OR2L3: variants seen among roughly 807,000 people sequenced by gnomAD.
The protein encoded by OR2L3 is olfactory receptor family 2 subfamily L member 3.
For missense variants in OR2L3, 369 were observed against 376.6 expected (o/e 0.98, Z 0.17); for synonymous variants, 131 against 139.1 (o/e 0.94, Z 0.41).
rs566921140 is a variant in OR2L3, at chr1:248,048,390, T to G, written c.-22+1510T>G. ...GTCAGTCAAATACAACATTATGTACTGTGTCTCTTCTTAGGAGAATCTATT... is the reference window on the plus strand; with the variant it reads ...GTCAGTCAAATACAACATTATGTACGGTGTCTCTTCTTAGGAGAATCTATT... On this transcript the variant is annotated intron_variant, in intron 1 of 1. Transcript: ENST00000359959. Among the ~76,000 whole-genome samples, 47 of 152,338 alleles carry G rather than the reference T, an allele frequency of 3.1e-4. No homozygotes were observed. In the East Asian group the frequency reaches 8.3e-3, roughly 27 times the overall value.
At chr1:248,047,323 T>A (rs1005275732) in intron 1 of OR2L3, among the ~76,000 whole-genome samples, 3 of 151,320 alleles carry the variant, frequency 2.0e-5, no homozygotes, top group African/African-American at 7.4e-5. Context: ...TTGCTACTTC[T>A]CACTTTGTAT....
In OR2L3 at chr1:248,063,011, T is replaced by C. The variant is rs1427679432; in HGVS notation, c.*1391T>C. 2.0e-5 allele frequency: 3 copies of C among 152,228 alleles called. No individual in the cohort carries two copies. Among genetic ancestry groups the C allele is most frequent in the Admixed American group, 6.5e-5 (1 of 15,288 alleles). 9.4% of individuals were successfully genotyped at this position (152,228 alleles called of 1,614,324 possible). On this transcript the variant is annotated 3_prime_UTR_variant, in exon 2 of 2. Transcript: ENST00000359959. ...TTTTGGTTATTCCATGTTTGTAGTA[T>C]AGTTTGAAGTTTGGTACTCATGCCT...
chr1:248,047,618 G>A (rs1488642057), intron 1 of OR2L3, among the ~76,000 whole-genome samples: 1 of 152,116 alleles, frequency 6.6e-6, no homozygotes, highest in Non-Finnish European at 1.5e-5. Flanking sequence ...CTTTTACAAT[G>A]TATTTATTTT....
chr1:248,057,760 T>C (rs1486314665), intron 1 of OR2L3, among the ~76,000 whole-genome samples: 1 of 152,186 alleles, frequency 6.6e-6, no homozygotes, highest in Non-Finnish European at 1.5e-5. Context: ...TTGTTACTAT[T>C]GGAAATAAAA....
chr1:248,060,592 G>A (rs1222186010), intron 1 of OR2L3, 69 bp from the exon 2 acceptor site: 1 of 983,788 alleles, frequency 1.0e-6, no homozygotes, highest in African/African-American at 1.6e-5. Context: ...TTACTGAGGG[G>A]CTTCAAATGC....
chr1:248,049,070 T>A (rs1317315700), intron 1 of OR2L3, among the ~76,000 whole-genome samples: 1 of 151,940 alleles, frequency 6.6e-6, no homozygotes, highest in Non-Finnish European at 1.5e-5. Context: ...ATATAGGGAG[T>A]AAAATCTGTG....
chr1:248,052,586 C>A (rs1663296710), intron 1 of OR2L3, among the ~76,000 whole-genome samples: 1 of 152,040 alleles, frequency 6.6e-6, no homozygotes, highest in Non-Finnish European at 1.5e-5. Flanking sequence ...AAAAAATTAG[C>A]TGGGCGTGGT....
intron 1 of OR2L3, among the ~76,000 whole-genome samples, chr1:248,056,380 C>A (rs912666096): frequency 6.6e-6 from 1 of 151,770 alleles, no homozygotes; most frequent in African/African-American, 2.4e-5. Context: ...TTGGTTATTT[C>A]TTGTGTTCTG....
At chr1:248,049,619 C>T (rs920064675) in intron 1 of OR2L3, among the ~76,000 whole-genome samples, 16 of 151,938 alleles carry the variant, frequency 1.1e-4, no homozygotes, top group African/African-American at 2.7e-4. Context: ...CTGGGTGATA[C>T]GAGGAAACGG....
At chr1:248,054,866 A>G (rs1209553429) in intron 1 of OR2L3, among the ~76,000 whole-genome samples, 2 of 152,212 alleles carry the variant, frequency 1.3e-5, no homozygotes, top group Non-Finnish European at 2.9e-5. Flanking sequence ...TTTTCTAGAT[A>G]GAATCATATC....
At chr1:248,059,268 T>C (rs1436304449) in intron 1 of OR2L3, among the ~76,000 whole-genome samples, 1 of 152,210 alleles carries the variant, frequency 6.6e-6, no homozygotes, top group Non-Finnish European at 1.5e-5. Context: ...CCAGTTCTTT[T>C]AGGCATACTG....
In OR2L3 at chr1:248,055,820, G is replaced by T. The variant is rs117539919; in HGVS notation, c.-21-4841G>T. 2.0e-5 allele frequency: 3 copies of T among 152,316 alleles called. No homozygotes were observed. The East Asian group carries it at 5.8e-4, about 29-fold the overall frequency. 9.4% of individuals were successfully genotyped at this position (152,316 alleles called of 1,614,324 possible). A position where few individuals can be genotyped will look rare whatever the true frequency, so the allele number is the denominator to read the frequency against. The stretch of plus-strand genomic sequence containing the variant: ...AGGGTGGAGTCCCTCCTTTTCAATT[G>T]TTTGGAAAAGTTTCAGAAGAAATGA... On this transcript the variant is annotated intron_variant, in intron 1 of 1. Coordinates refer to ENST00000359959, the MANE Select transcript of OR2L3 (RefSeq NM_001004687.2).
chr1:248,056,736 C>T (rs1663446078), intron 1 of OR2L3, among the ~76,000 whole-genome samples: 1 of 148,224 alleles, frequency 6.7e-6, no homozygotes, highest in Non-Finnish European at 1.5e-5. Flanking sequence ...CAACTTTTGC[C>T]TCCTGGGTTC....
At position 248,060,918 on chromosome 1, in the gene OR2L3, G is replaced by C; in HGVS notation, c.237G>C (p.Lys79Asn). The C allele has an allele frequency of 6.2e-7, 1 of 1,613,906 alleles. No homozygotes were observed. Among genetic ancestry groups the C allele is most frequent in the Non-Finnish European group, 8.5e-7 (1 of 1,179,852 alleles). Reference sequence around the variant, plus strand: ...ATTACATCTCCACCATTGTTCCTAAGATGGCATCTGATTTTCTGTCTGGTA... The same window carrying C: ...ATTACATCTCCACCATTGTTCCTAACATGGCATCTGATTTTCTGTCTGGTA... ...DLNYISTIVP[K>N]MASDFLSGNK... Residue 79 changes from lysine to asparagine, a missense_variant, in exon 2 of 2, where the codon AAG (lysine) becomes AAC (asparagine). By Grantham distance (94) the Lys-to-Asn change is moderately conservative. Coordinates refer to ENST00000359959, the MANE Select transcript of OR2L3 (RefSeq NM_001004687.2).
chr1:248,060,040 C>CA lies in OR2L3; in HGVS notation c.-21-608dup, dbSNP rs111730226. Among the ~76,000 whole-genome samples the CA allele has an allele frequency of 6.7e-3, 864 of 129,030 alleles. 12 individuals are homozygous for CA. Among genetic ancestry groups the CA allele is most frequent in the African/African-American group, 0.018 (669 of 37,744 alleles). 84.6% of individuals were successfully genotyped at this position (129,030 alleles called of 152,430 possible). A position where few individuals can be genotyped will look rare whatever the true frequency, so the allele number is the denominator to read the frequency against. ...GGTAACAGAGAGAGACCCTGTCACT[C>CA]AAAAAAAAAAAAAGTATAAATATGG... On this transcript the variant is annotated intron_variant, in intron 1 of 1. Transcript: ENST00000359959.
At position 248,061,431 on chromosome 1, in the gene OR2L3, C is replaced by T. The variant is rs376926882; in HGVS notation, c.750C>T (p.Tyr250=). 8 of 1,613,996 alleles carry T rather than the reference C, an allele frequency of 5.0e-6. No individual in the cohort carries two copies. In the African/African-American group the frequency reaches 1.1e-4, roughly 22 times the overall value. ...CSTHLTVVTF[Y]YAPFVYTYLR... is the part of the protein sequence containing the mutation. Reference sequence around the variant, plus strand: ...CCCACCTCACTGTAGTAACTTTCTACTATGCACCTTTTGTCTACACTTATC... The same window carrying T: ...CCCACCTCACTGTAGTAACTTTCTATTATGCACCTTTTGTCTACACTTATC... The change falls in exon 2 of 2, where the codon TAC becomes TAT. Residue 250 remains tyrosine (Y), a synonymous_variant. Transcript: ENST00000359959.
Position 248,053,039 on chromosome 1 carries a change from G to C in OR2L3, c.-22+6159G>C, listed in dbSNP as rs145245847. ...CGTGTGCCATGGTGATTTGCTGCAC[G>C]TATCAATCCATCACCTAGGTATTAA... On this transcript the variant is annotated intron_variant, in intron 1 of 1. Coordinates refer to ENST00000359959, the MANE Select transcript of OR2L3 (RefSeq NM_001004687.2). Among the ~76,000 whole-genome samples, 1,018 of 151,952 alleles carry C rather than the reference G, an allele frequency of 6.7e-3. 20 individuals carry two copies. The highest frequency in any genetic ancestry group is 0.024 in the African/African-American group (978 of 41,452).
chr1:248,053,837 C>A (rs1047037236), intron 1 of OR2L3, among the ~76,000 whole-genome samples: 3 of 151,920 alleles, frequency 2.0e-5, no homozygotes, highest in Non-Finnish European at 4.4e-5. Context: ...TGCTTAAGTT[C>A]TTTGTAGATT....
intron 1 of OR2L3, among the ~76,000 whole-genome samples, chr1:248,059,364 C>CT (rs1450381407): frequency 6.6e-6 from 1 of 152,278 alleles, no homozygotes; most frequent in African/African-American, 2.4e-5. Context: ...TCTAGTTTCC[C>CT]TTTTTATTTA....
Sources: gnomAD v4.1 joint callset for allele counts (sites outside exome capture counted in the v4.1 genomes callset) on GRCh38, gnomAD v4.1.1 for gene constraint, MANE v1.5 for transcripts, NCBI Gene and HGNC (gene_info 2026-07-23, HGNC 2026-07-21) for gene names.